Variants in TIPIN observed in about 807,000 individuals in gnomAD.
The protein encoded by TIPIN is TIMELESS-interacting protein.
In TIPIN, 29 loss-of-function variants were observed where a neutral mutation model predicts 35.6. The ratio of observed to expected loss-of-function variants is 0.82; its 90% CI spans 0.61 to 1.11. The LOEUF is 1.11. Among genes scored for constraint, TIPIN ranks in the 50% most tolerant of loss-of-function variants. The probability of loss-of-function intolerance (pLI) is 0.00; values close to 1 mark genes in which losing one functional copy is unlikely to be tolerated. For missense variants in TIPIN, 296 were observed against 345.4 expected (o/e 0.86, Z 1.13); for synonymous variants, 102 against 121.5 (o/e 0.84, Z 1.06).
At chr15:66,342,197 A>AAAAG (rs2140444130) in intron 6 of TIPIN, among the ~76,000 whole-genome samples, 1 of 121,772 alleles carries the variant, frequency 8.2e-6, no homozygotes, top group African/African-American at 3.3e-5. Flanking sequence ...AAAAAAAAAA[A>AAAAG]AAAAAAAAAA....
intron 7 of TIPIN, among the ~76,000 whole-genome samples, chr15:66,339,729 T>A (rs924613629): frequency 6.6e-6 from 1 of 152,286 alleles, no homozygotes; most frequent in Non-Finnish European, 1.5e-5. Flanking sequence ...TGACAACGTT[T>A]CTAAAAATAC....
Position 66,356,671 on chromosome 15 carries a change from C to G in TIPIN, c.-41G>C. 3 of 985,696 alleles carry G rather than the reference C, an allele frequency of 3.0e-6. No homozygotes were observed. Among genetic ancestry groups the G allele is most frequent in the Non-Finnish European group, 3.6e-6 (3 of 830,122 alleles). 61.1% of individuals were successfully genotyped at this position (985,696 alleles called of 1,614,324 possible). On this transcript the variant is annotated 5_prime_UTR_variant, in exon 1 of 8. Transcript: ENST00000261881. ...AGAAAACACGGGACACAGCGCGGAC[C>G]TCGGCGTGCAGACTAAGCGCGCTTC...
chr15:66,337,232 T>C (rs935979628), intron 7 of TIPIN, 51 bp from the exon 8 acceptor site: 3 of 1,499,864 alleles, frequency 2.0e-6, no homozygotes, highest in Non-Finnish European at 2.8e-6. Flanking sequence ...GATCCAATCT[T>C]ACCGCATGAG....
chr15:66,380,004 T>C (rs1235971997), intron 1 of TIPIN: 3 of 536,336 alleles, frequency 5.6e-6, no homozygotes, highest in African/African-American at 2.1e-5. Flanking sequence ...CTTTCTTTCT[T>C]TTTTTTTTTT....
chr15:66,339,906 G>C (rs2093072943), intron 7 of TIPIN, among the ~76,000 whole-genome samples: 1 of 150,470 alleles, frequency 6.6e-6, no homozygotes, highest in Admixed American at 6.6e-5. Flanking sequence ...GTCTTGCTCT[G>C]TCACCCAGGC....
chr15:66,346,525 A>G (rs1231810257), intron 6 of TIPIN, among the ~76,000 whole-genome samples: 1 of 151,916 alleles, frequency 6.6e-6, no homozygotes, highest in African/African-American at 2.4e-5. Context: ...CGACCTACTC[A>G]TACCTCTAAT....
intron 1 of TIPIN, 70 bp from the exon 2 acceptor site, chr15:66,353,025 G>C: frequency 7.0e-7 from 1 of 1,436,856 alleles, no homozygotes; most frequent in Non-Finnish European, 9.3e-7. Context: ...AGTTCTACCT[G>C]CAGCCATTTC....
intron 1 of TIPIN, among the ~76,000 whole-genome samples, chr15:66,378,480 C>G (rs981755558): frequency 6.6e-6 from 1 of 152,088 alleles, no homozygotes; most frequent in African/African-American, 2.4e-5. Flanking sequence ...TATTATATTG[C>G]AGATATTGTA....
At chr15:66,352,304 G>C (rs2093173574) in intron 2 of TIPIN, 97 bp from the exon 3 acceptor site, 1 of 970,706 alleles carries the variant, frequency 1.0e-6, no homozygotes, top group South Asian at 1.7e-5. Context: ...CTAAACATGG[G>C]ACACCTTTTT....
At chr15:66,347,040 C>T (rs925134710) in intron 6 of TIPIN, among the ~76,000 whole-genome samples, 2 of 152,104 alleles carry the variant, frequency 1.3e-5, no homozygotes, top group Non-Finnish European at 2.9e-5. Flanking sequence ...TGTGATCCAC[C>T]CGCCTCGGCC....
In TIPIN at chr15:66,379,371, G is replaced by A. The variant is rs2093309518; in HGVS notation, c.-9+7236C>T. The A allele has an allele frequency of 9.4e-6, 15 of 1,597,898 alleles. No individual in the cohort carries two copies. The Admixed American group carries it at 2.5e-4, about 27-fold the overall frequency. On this transcript the variant is annotated intron_variant, in intron 1 of 7. Transcript: ENST00000562124. ...ATCCTGCTGAACAGTTCCTTTTTCAGAGACATAGATACCATTCAAAAATTT... is the reference window on the plus strand; with the variant it reads ...ATCCTGCTGAACAGTTCCTTTTTCAAAGACATAGATACCATTCAAAAATTT...
At chr15:66,365,271 C>G (rs1334642680) in intron 1 of TIPIN, among the ~76,000 whole-genome samples, 1 of 151,106 alleles carries the variant, frequency 6.6e-6, no homozygotes, top group East Asian at 1.9e-4. Flanking sequence ...CCTCACTGCT[C>G]ATAATACATT....
intron 6 of TIPIN, among the ~76,000 whole-genome samples, chr15:66,345,501 A>G (rs62011719): frequency 0.057 from 8,680 of 152,194 alleles, 348 homozygotes; most frequent in Middle Eastern, 0.11. Context: ...GATCAACTGA[A>G]ATCAGGAGTT....
rs776064120 is a variant in TIPIN at position 66,351,507 on chromosome 15, A to C, written c.288+18T>G. On this transcript the variant is annotated intron_variant, in intron 4 of 7. Transcript: ENST00000261881. ...CTATTTTAAAAAACAAAGGTCTAAC[A>C]TAAAAATCAGTTCTTACCTCATGAC... 4.1e-5 allele frequency: 65 copies of C among 1,596,864 alleles called. No homozygotes were observed. Among genetic ancestry groups the C allele is most frequent in the Non-Finnish European group, 5.5e-5 (64 of 1,167,374 alleles).
At position 66,337,141 on chromosome 15, in the gene TIPIN, C is replaced by A. The variant is rs1566968910; in HGVS notation, c.723G>T (p.Glu241Asp). 2 of 1,613,872 alleles carry A rather than the reference C, an allele frequency of 1.2e-6. No homozygotes were observed. Among genetic ancestry groups the A allele is most frequent in the Admixed American group, 3.3e-5 (2 of 59,986 alleles). Residue 241 changes from glutamate to aspartate, a missense_variant, in exon 8 of 8, where the codon GAG (glutamate) becomes GAT (aspartate). Physicochemically the swap from Glu to Asp is conservative, Grantham distance 45 (BLOSUM62 2). Coordinates refer to ENST00000261881, the MANE Select transcript of TIPIN (RefSeq NM_017858.3). The part of the protein sequence containing the change: ...MNTPRAHTVE[E>D]VNTDEDQKEE... ...CCTTTTGATCCTCATCAGTATTAACCTCTTCAACCGTGTGTGCCCTGGGTG... is the reference window on the plus strand; with the variant it reads ...CCTTTTGATCCTCATCAGTATTAACATCTTCAACCGTGTGTGCCCTGGGTG...
chr15:66,366,723 C>T, intron 1 of TIPIN: 1 of 663,966 alleles, frequency 1.5e-6, no homozygotes, highest in Non-Finnish European at 1.8e-6. Flanking sequence ...GCTGAGAATG[C>T]ACCATTGCAC....
chr15:66,340,056 T>G (rs2093074345), intron 7 of TIPIN, among the ~76,000 whole-genome samples: 1 of 151,252 alleles, frequency 6.6e-6, no homozygotes, highest in Admixed American at 6.6e-5. Context: ...GTATTTTTAG[T>G]AGAGACGGGT....
chr15:66,367,222 A>G (rs557870824), intron 1 of TIPIN, among the ~76,000 whole-genome samples: 7 of 147,998 alleles, frequency 4.7e-5, no homozygotes, highest in Admixed American at 2.0e-4. Flanking sequence ...ATCTATATCT[A>G]TATCTGTATC....
intron 3 of TIPIN, 30 bp downstream of exon 3, chr15:66,352,099 T>C: frequency 6.7e-7 from 1 of 1,495,474 alleles, no homozygotes; most frequent in South Asian, 1.2e-5. Flanking sequence ...AAATAAAAAG[T>C]ATAAATGTAT....
Sources: allele counts gnomAD v4.1 joint callset (sites outside exome capture counted in the v4.1 genomes callset), GRCh38; gene constraint gnomAD v4.1.1; transcripts MANE v1.5; gene names NCBI Gene and HGNC (gene_info 2026-07-23, HGNC 2026-07-21).